UBE2G1: variants seen among roughly 807,000 people sequenced by gnomAD.
UBE2G1 encodes the protein ubiquitin-conjugating enzyme E2 G1.
In UBE2G1, 5 loss-of-function variants were observed where a neutral mutation model predicts 22.7. The observed-to-expected ratio is 0.22, with a 90% CI of 0.12 to 0.46. UBE2G1 has a LOEUF of 0.46. UBE2G1 is among the 20% of genes least tolerant of loss of function. The pLI is 0.99. For synonymous variants in UBE2G1, 74 were observed against 67.5 expected (o/e 1.10, Z -0.47); for missense variants, 88 against 203.9 (o/e 0.43, Z 3.46).
chr17:4,315,618 T>C (rs1489306325), intron 1 of UBE2G1, among the ~76,000 whole-genome samples: 2 of 150,194 alleles, frequency 1.3e-5, no homozygotes, highest in Non-Finnish European at 3.0e-5. Context: ...CGGGCGCCTG[T>C]AGTCCCAGCT....
At chr17:4,275,052 G>A (rs760837992) in intron 5 of UBE2G1, among the ~76,000 whole-genome samples, 1 of 151,968 alleles carries the variant, frequency 6.6e-6, no homozygotes, top group African/African-American at 2.4e-5. Flanking sequence ...ACAGGGCAGG[G>A]GAGGACGCCA....
At chr17:4,303,596 C>T (rs926584032) in intron 2 of UBE2G1, among the ~76,000 whole-genome samples, 8 of 152,142 alleles carry the variant, frequency 5.3e-5, no homozygotes, top group Non-Finnish European at 8.8e-5. Flanking sequence ...CGTGATAAAC[C>T]GCATGGCATT....
intron 5 of UBE2G1, 130 bp downstream of exon 5, chr17:4,282,668 C>A: frequency 3.2e-6 from 2 of 626,136 alleles, no homozygotes; most frequent in Non-Finnish European, 5.5e-6. Flanking sequence ...GAGAACGAGA[C>A]TACAGGATAA....
At chr17:4,293,834 AAT>A (rs1030600945) in intron 3 of UBE2G1, among the ~76,000 whole-genome samples, 2 of 152,122 alleles carry the variant, frequency 1.3e-5, no homozygotes, top group Non-Finnish European at 2.9e-5. Context: ...AAAGAAACTA[AAT>A]TACCCTTCCT....
At chr17:4,296,158 A>T (rs1356117944) in intron 3 of UBE2G1, among the ~76,000 whole-genome samples, 6 of 151,972 alleles carry the variant, frequency 3.9e-5, no homozygotes, top group Non-Finnish European at 8.8e-5. Flanking sequence ...AGTTCTATTG[A>T]TGTTATCCCT....
At chr17:4,340,000 C>CAT (rs1168341746) in intron 1 of UBE2G1, among the ~76,000 whole-genome samples, 25 of 152,202 alleles carry the variant, frequency 1.6e-4, no homozygotes, top group Admixed American at 1.2e-3. Flanking sequence ...GTGGTGCAGT[C>CAT]ATAGCTCACT....
At chr17:4,319,497 A>G (rs1969412211) in intron 1 of UBE2G1, among the ~76,000 whole-genome samples, 1 of 152,336 alleles carries the variant, frequency 6.6e-6, no homozygotes, top group Admixed American at 6.5e-5. Context: ...GCACTTTGGG[A>G]GGCCCAGGCA....
At chr17:4,344,638 G>C (rs1674306009) in intron 1 of UBE2G1, among the ~76,000 whole-genome samples, 2 of 151,752 alleles carry the variant, frequency 1.3e-5, no homozygotes, top group Admixed American at 6.6e-5. Flanking sequence ...GCTGAGGCCA[G>C]AGGTTTGAGA....
At chr17:4,347,567 T>C (rs1386780555) in intron 1 of UBE2G1, among the ~76,000 whole-genome samples, 1 of 139,412 alleles carries the variant, frequency 7.2e-6, no homozygotes, top group Admixed American at 7.7e-5. Flanking sequence ...CTCCACCTCC[T>C]AGGTTTGAGA....
intron 1 of UBE2G1, among the ~76,000 whole-genome samples, chr17:4,356,092 A>G (rs1425402423): frequency 6.8e-6 from 1 of 146,740 alleles, no homozygotes; most frequent in East Asian, 2.1e-4. Context: ...ACGGTGGCTT[A>G]CGCCTGTAAT....
chr17:4,321,656 C>CA (rs1969439871), intron 1 of UBE2G1, among the ~76,000 whole-genome samples: 3 of 151,944 alleles, frequency 2.0e-5, no homozygotes, highest in Admixed American at 1.3e-4. Flanking sequence ...CCATGTCTGT[C>CA]TTTTTTTTGT....
intron 1 of UBE2G1, among the ~76,000 whole-genome samples, chr17:4,316,177 A>G (rs2143751098): frequency 6.6e-6 from 1 of 152,212 alleles, no homozygotes; most frequent in Non-Finnish European, 1.5e-5. Flanking sequence ...ACAGCCTAGT[A>G]ACGATTTTCC....
chr17:4,353,268 G>A (rs747350843), intron 1 of UBE2G1, among the ~76,000 whole-genome samples: 9 of 151,956 alleles, frequency 5.9e-5, no homozygotes, highest in Non-Finnish European at 1.0e-4. Flanking sequence ...TAAGGACCTT[G>A]ATGAGACACT....
chr17:4,280,825 G>A (rs1968879680), intron 5 of UBE2G1, among the ~76,000 whole-genome samples: 1 of 151,786 alleles, frequency 6.6e-6, no homozygotes, highest in East Asian at 1.9e-4. Flanking sequence ...AGTAGAGATG[G>A]GGTTTCACCA....
At chr17:4,358,677 G>A (rs1350059793) in intron 1 of UBE2G1, among the ~76,000 whole-genome samples, 2 of 152,118 alleles carry the variant, frequency 1.3e-5, no homozygotes, top group Admixed American at 6.6e-5. Context: ...ACTTGGCTGG[G>A]CGCGTGGCTC....
intron 1 of UBE2G1, among the ~76,000 whole-genome samples, chr17:4,357,002 T>C (rs1414315229): frequency 6.6e-6 from 1 of 152,188 alleles, no homozygotes; most frequent in Non-Finnish European, 1.5e-5. Context: ...TGTATAACTC[T>C]AGCACAATAT....
intron 3 of UBE2G1, among the ~76,000 whole-genome samples, chr17:4,290,574 C>T (rs1273003653): frequency 6.6e-6 from 1 of 151,892 alleles, no homozygotes; most frequent in African/African-American, 2.4e-5. Flanking sequence ...CAGGCTCAAA[C>T]GATCCTCCTG....
In UBE2G1 at chr17:4,357,508, TGG is replaced by T. The variant is rs199545492; in HGVS notation, c.46+8761_46+8762del. ...TCACTCGGTTGTGTGTGTGTGTGTGTGGGGGGGGGGGGTGGGTGTATAACTCT... is the reference window on the plus strand; with the variant it reads ...TCACTCGGTTGTGTGTGTGTGTGTGTGGGGGGGGGGTGGGTGTATAACTCT... On this transcript the variant is annotated intron_variant, in intron 1 of 5. Transcript: ENST00000396981. Among the ~76,000 whole-genome samples, 47 of 13,182 alleles carry T rather than the reference TGG, an allele frequency of 3.6e-3. 1 individual carries two copies. Among genetic ancestry groups the T allele is most frequent in the African/African-American group, 6.8e-3 (47 of 6,910 alleles). 8.6% of individuals were successfully genotyped at this position (13,182 alleles called of 152,430 possible).
chr17:4,292,940 A>G (rs562213347), intron 3 of UBE2G1, among the ~76,000 whole-genome samples: 4 of 152,340 alleles, frequency 2.6e-5, no homozygotes, highest in Admixed American at 2.6e-4. Context: ...GGTCAGTCAC[A>G]TAAAACTATT....
Sources: allele counts gnomAD v4.1 joint callset (sites outside exome capture counted in the v4.1 genomes callset), GRCh38; gene constraint gnomAD v4.1.1; transcripts MANE v1.5; gene names NCBI Gene and HGNC (gene_info 2026-07-23, HGNC 2026-07-21).